MERTK: variants seen among roughly 807,000 people sequenced by gnomAD.
The protein encoded by MERTK is tyrosine-protein kinase Mer.
A neutral mutation model predicts 99.3 loss-of-function variants in MERTK; 69 were observed. That is an observed-to-expected ratio of 0.70 (90% CI 0.57 to 0.85). The LOEUF (loss-of-function observed/expected upper bound fraction) is 0.85. Among genes scored for constraint, MERTK ranks in the 40% least tolerant of loss-of-function variants. MERTK has a pLI of 0.00. For missense variants in MERTK, 1,125 were observed against 1,249.4 expected (o/e 0.90, Z 1.50); for synonymous variants, 426 against 467.6 (o/e 0.91, Z 1.15).
At position 112,003,909 on chromosome 2, in the gene MERTK, T is replaced by A; in HGVS notation, c.1792T>A (p.Phe598Ile). ...GGTGTTCTTTCACTTCACAGGAGAGTTTGGGTCTGTAATGGAAGGAAATCT... is the reference window on the plus strand; with the variant it reads ...GGTGTTCTTTCACTTCACAGGAGAGATTGGGTCTGTAATGGAAGGAAATCT... ...ILGKILGEGEFGSVMEGNLKQ... is the reference protein window; with the variant it reads ...ILGKILGEGEIGSVMEGNLKQ... Residue 598 changes from phenylalanine to isoleucine, a missense_variant, in exon 13 of 19, where the codon TTT becomes ATT. By Grantham distance (21) the Phe-to-Ile change is conservative (BLOSUM62 0). Coordinates refer to ENST00000295408, the MANE Select transcript of MERTK (RefSeq NM_006343.3). 6.2e-7 allele frequency: 1 copy of A among 1,612,740 alleles called. No homozygotes were observed. Among genetic ancestry groups the A allele is most frequent in the Non-Finnish European group, 8.5e-7 (1 of 1,178,912 alleles).
intron 1 of MERTK, among the ~76,000 whole-genome samples, chr2:111,914,270 A>G (rs1395723643): frequency 6.6e-6 from 1 of 150,706 alleles, no homozygotes; most frequent in African/African-American, 2.4e-5. Flanking sequence ...CGCCCGGCTA[A>G]TTTTTGTATT....
chr2:112,008,396 A>C lies in MERTK; in HGVS notation c.1881A>C (p.Ser627=). Residue 627 remains serine, a synonymous_variant, in exon 14 of 19, where the codon TCA becomes TCC. Transcript: ENST00000295408. ...AVKTMKLDNS[S]QREIEEFLSE... ...TTTCTCCTCTAGTGGACAACTCTTC[A>C]CAGCGGGAGATCGAGGAGTTTCTCA... 6.2e-7 allele frequency: 1 copy of C among 1,613,138 alleles called. No homozygotes were observed. Among genetic ancestry groups the C allele is most frequent in the Non-Finnish European group, 8.5e-7 (1 of 1,179,422 alleles).
intron 18 of MERTK, among the ~76,000 whole-genome samples, chr2:112,024,039 T>G (rs1573650520): frequency 6.6e-6 from 1 of 152,168 alleles, no homozygotes; most frequent in African/African-American, 2.4e-5. Context: ...TAGTGGTTGG[T>G]TTTTATTGTG....
chr2:112,022,310 A>G lies in MERTK; in HGVS notation c.2402A>G (p.Tyr801Cys). The change falls in exon 18 of 19, where the codon TAT (tyrosine) becomes TGT (cysteine). Residue 801 changes from tyrosine (Y) to cysteine (C), a missense_variant. Transcript: ENST00000295408. Reference sequence around the variant, plus strand: ...ATAGCTACGCGGGGAATGACTCCCTATCCTGGGGTCCAGAACCATGAGATG... The same window carrying G: ...ATAGCTACGCGGGGAATGACTCCCTGTCCTGGGGTCCAGAACCATGAGATG... ...WEIATRGMTPYPGVQNHEMYD... is the reference protein window; with the variant it reads ...WEIATRGMTPCPGVQNHEMYD... 1 of 1,614,212 alleles carries G rather than the reference A, an allele frequency of 6.2e-7. No homozygotes were observed. The highest frequency in any genetic ancestry group is 8.5e-7 in the Non-Finnish European group (1 of 1,180,046).
chr2:111,901,472 A>G (rs925328079), intron 1 of MERTK, among the ~76,000 whole-genome samples: 2 of 152,042 alleles, frequency 1.3e-5, no homozygotes, highest in Admixed American at 1.3e-4. Context: ...TTGAAAGTAC[A>G]TCGTGCATAT....
chr2:111,938,214 C>T (rs1558778766), intron 2 of MERTK, among the ~76,000 whole-genome samples: 1 of 152,196 alleles, frequency 6.6e-6, no homozygotes, highest in East Asian at 1.9e-4. Context: ...GTAGCTGGGA[C>T]CACAGGCATG....
chr2:111,921,962 A>G (rs952914364), intron 1 of MERTK, among the ~76,000 whole-genome samples: 11 of 152,192 alleles, frequency 7.2e-5, no homozygotes, highest in Non-Finnish European at 1.6e-4. Flanking sequence ...AGGAATAGAA[A>G]GAGCAGGAGT....
intron 1 of MERTK, among the ~76,000 whole-genome samples, chr2:111,899,518 CT>C (rs1186269773): frequency 2.1e-3 from 301 of 145,676 alleles, no homozygotes; most frequent in Non-Finnish European, 2.1e-3. Flanking sequence ...TTGTTACAGG[CT>C]TTTTTTTTTT....
intron 13 of MERTK, 115 bp from the exon 14 acceptor site, chr2:112,008,268 C>G: frequency 2.6e-6 from 2 of 770,388 alleles, no homozygotes; most frequent in South Asian, 2.9e-5. Context: ...TTTCCTGTCT[C>G]TATACTTTCA....
rs1331619594 is a variant in MERTK at position 112,029,180 on chromosome 2, G to C, written c.*316G>C. On this transcript the variant is annotated 3_prime_UTR_variant, in exon 19 of 19. Coordinates refer to ENST00000295408, the MANE Select transcript of MERTK (RefSeq NM_006343.3). Reference sequence around the variant, plus strand: ...TTGATATTAACATTTGTACAGAGTTGAAGTTGTTTTTTCAAGTTCTTTTCT... The same window carrying C: ...TTGATATTAACATTTGTACAGAGTTCAAGTTGTTTTTTCAAGTTCTTTTCT... The C allele has an allele frequency of 3.9e-6, 4 of 1,018,262 alleles. No homozygotes were observed. The African/African-American group carries it at 6.9e-5, about 18-fold the overall frequency. 63.1% of individuals were successfully genotyped at this position (1,018,262 alleles called of 1,614,324 possible).
At chr2:112,027,195 A>T (rs1035486665) in intron 18 of MERTK, among the ~76,000 whole-genome samples, 1 of 151,098 alleles carries the variant, frequency 6.6e-6, no homozygotes, top group African/African-American at 2.4e-5. Context: ...ACACACACAC[A>T]TTTTTATATA....
chr2:111,909,698 G>A (rs1415260332), intron 1 of MERTK, among the ~76,000 whole-genome samples: 2 of 152,108 alleles, frequency 1.3e-5, no homozygotes, highest in Admixed American at 6.5e-5. Flanking sequence ...TATAATCCCT[G>A]GAAAACGTAA....
intron 2 of MERTK, among the ~76,000 whole-genome samples, chr2:111,930,830 T>C (rs754113950): frequency 6.6e-6 from 1 of 152,110 alleles, no homozygotes; most frequent in South Asian, 2.1e-4. Context: ...GCCACCCCTT[T>C]TGTATTCTCC....
intron 12 of MERTK, chr2:112,003,502 C>G (rs901734061): frequency 6.0e-6 from 2 of 331,628 alleles, no homozygotes; most frequent in African/African-American, 4.2e-5. Context: ...TTCTTAAGTT[C>G]ATTGTTCTTG....
At chr2:111,928,592 T>C (rs1684611037) in intron 1 of MERTK, among the ~76,000 whole-genome samples, 1 of 152,202 alleles carries the variant, frequency 6.6e-6, no homozygotes, top group South Asian at 2.1e-4. Context: ...TTCAAGCTGT[T>C]CTCCTGCTTC....
chr2:111,917,622 G>C (rs1191259672), intron 1 of MERTK, among the ~76,000 whole-genome samples: 1 of 152,046 alleles, frequency 6.6e-6, no homozygotes, highest in Non-Finnish European at 1.5e-5. Context: ...CGCAGTGGCC[G>C]ACGCCTGTAA....
chr2:112,006,568 G>A (rs1292748345), intron 13 of MERTK, among the ~76,000 whole-genome samples: 2 of 152,146 alleles, frequency 1.3e-5, no homozygotes, highest in Non-Finnish European at 2.9e-5. Context: ...AGGCCTGGTG[G>A]GAGGAGCTGG....
At position 112,000,575 on chromosome 2, in the gene MERTK, G is replaced by C. The variant is rs560636218; in HGVS notation, c.1605-626G>C. On this transcript the variant is annotated intron_variant, in intron 10 of 18. Coordinates refer to ENST00000295408, the MANE Select transcript of MERTK (RefSeq NM_006343.3). ...AGGGGTTATGGGTGATTGAGAGGAG[G>C]AGCACAGAATTAAAATGCCATTGTC... Among the ~76,000 whole-genome samples the C allele has an allele frequency of 6.4e-4, 97 of 152,298 alleles. 2 individuals are homozygous for C. In the South Asian group the frequency reaches 0.019, roughly 31 times the overall value.
chr2:111,982,818 C>T, intron 7 of MERTK, 24 bp from the exon 8 acceptor site: 1 of 1,612,958 alleles, frequency 6.2e-7, no homozygotes, highest in East Asian at 2.2e-5. Flanking sequence ...GTTCTTCATT[C>T]TTCTCTCCTT....
Sources: gnomAD v4.1 joint callset for allele counts (sites outside exome capture counted in the v4.1 genomes callset) on GRCh38, gnomAD v4.1.1 for gene constraint, MANE v1.5 for transcripts, NCBI Gene and HGNC (gene_info 2026-07-23, HGNC 2026-07-21) for gene names.